The following SORBS2 variants were observed in gnomAD, a reference collection of about 807,000 sequenced individuals.
SORBS2 encodes the protein sorbin and SH3 domain-containing protein 2.
Under a neutral mutation model 97.7 loss-of-function variants are expected in SORBS2, and 46 were observed. The ratio of observed to expected loss-of-function variants is 0.47; its 90% CI spans 0.37 to 0.60. The LOEUF is 0.60. Among genes scored for constraint, SORBS2 ranks in the 20% least tolerant of loss-of-function variants. The probability of loss-of-function intolerance (pLI) is 0.00; values close to 1 mark genes in which losing one functional copy is unlikely to be tolerated. For synonymous variants in SORBS2, 476 were observed against 473.4 expected (o/e 1.01, Z -0.07); for missense variants, 1,316 against 1,282.3 (o/e 1.03, Z -0.40).
At chr4:185,689,808 A>G (rs538198980) in intron 2 of SORBS2, among the ~76,000 whole-genome samples, 4 of 152,358 alleles carry the variant, frequency 2.6e-5, no homozygotes, top group Admixed American at 2.0e-4. Context: ...CGACGGCTCA[A>G]ACAACTTTCC....
At chr4:185,795,749 A>G (rs2099101751) in intron 1 of SORBS2, among the ~76,000 whole-genome samples, 1 of 152,138 alleles carries the variant, frequency 6.6e-6, no homozygotes, top group African/African-American at 2.4e-5. Context: ...ATATATTTCT[A>G]TTGGTCTAGA....
intron 2 of SORBS2, among the ~76,000 whole-genome samples, chr4:185,703,414 T>C (rs1199528958): frequency 1.3e-5 from 2 of 152,220 alleles, no homozygotes; most frequent in Non-Finnish European, 2.9e-5. Flanking sequence ...TGGAGGCAGC[T>C]TGGCATTCCA....
At chr4:185,643,096 T>G (rs1243464867) in intron 4 of SORBS2, among the ~76,000 whole-genome samples, 1 of 152,220 alleles carries the variant, frequency 6.6e-6, no homozygotes, top group African/African-American at 2.4e-5. Context: ...AGCCCTCGCC[T>G]TCAAGAAGCT....
At chr4:185,874,602 G>A (rs919444349) in intron 1 of SORBS2, among the ~76,000 whole-genome samples, 9 of 152,172 alleles carry the variant, frequency 5.9e-5, no homozygotes, top group Non-Finnish European at 1.0e-4. Context: ...GGGCCAAGGC[G>A]TTTTCTAATG....
At chr4:185,750,798 T>C (rs2153598293) in intron 2 of SORBS2, among the ~76,000 whole-genome samples, 1 of 152,270 alleles carries the variant, frequency 6.6e-6, no homozygotes, top group East Asian at 1.9e-4. Context: ...GATTTTTGGC[T>C]GTCAATTACA....
At chr4:185,858,049 C>T (rs550965522) in intron 1 of SORBS2, among the ~76,000 whole-genome samples, 5 of 152,286 alleles carry the variant, frequency 3.3e-5, no homozygotes, top group South Asian at 4.1e-4. Context: ...TTTTCAAAAT[C>T]CCTAATAAAA....
chr4:185,752,894 C>T (rs887378749), intron 2 of SORBS2, among the ~76,000 whole-genome samples: 3 of 152,090 alleles, frequency 2.0e-5, no homozygotes, highest in African/African-American at 7.2e-5. Flanking sequence ...GATGTTTAGC[C>T]GGCAAGGAAA....
intron 1 of SORBS2, among the ~76,000 whole-genome samples, chr4:185,875,538 C>T (rs2099233068): frequency 6.6e-6 from 1 of 152,188 alleles, no homozygotes; most frequent in Non-Finnish European, 1.5e-5. Flanking sequence ...TAGAGAGTGA[C>T]TTTTCATTTT....
chr4:185,733,399 G>T (rs1192769101), intron 2 of SORBS2, among the ~76,000 whole-genome samples: 2 of 152,196 alleles, frequency 1.3e-5, no homozygotes, highest in Non-Finnish European at 2.9e-5. Flanking sequence ...AGGCCAGCGG[G>T]GGTCCGCCCA....
At chr4:185,794,355 G>A (rs865891297) in intron 1 of SORBS2, among the ~76,000 whole-genome samples, 6 of 152,320 alleles carry the variant, frequency 3.9e-5, no homozygotes, top group African/African-American at 1.4e-4. Flanking sequence ...GCTATTCAGG[G>A]AGGCAAGGTC....
intron 1 of SORBS2, among the ~76,000 whole-genome samples, chr4:185,873,862 A>G (rs2099231827): frequency 6.6e-6 from 1 of 152,216 alleles, no homozygotes; most frequent in East Asian, 1.9e-4. Context: ...ATTATTGTAA[A>G]TAATTATGCC....
chr4:185,929,294 C>A (rs2099265275), intron 1 of SORBS2, among the ~76,000 whole-genome samples: 1 of 152,174 alleles, frequency 6.6e-6, no homozygotes, highest in South Asian at 2.1e-4. Flanking sequence ...AATTTGGATT[C>A]ATTCCAACCA....
At chr4:185,912,216 C>CA (rs1338152646) in intron 1 of SORBS2, among the ~76,000 whole-genome samples, 1 of 152,004 alleles carries the variant, frequency 6.6e-6, no homozygotes, top group African/African-American at 2.4e-5. Flanking sequence ...GTACAGGTGA[C>CA]AAAATATAGG....
chr4:185,776,915 A>AG (rs1210428959), intron 1 of SORBS2, among the ~76,000 whole-genome samples: 1 of 151,742 alleles, frequency 6.6e-6, no homozygotes, highest in Non-Finnish European at 1.5e-5. Context: ...AAAAAAAAAA[A>AG]AATGCCCTGA....
intron 1 of SORBS2, among the ~76,000 whole-genome samples, chr4:185,883,884 A>C (rs965807637): frequency 1.3e-5 from 2 of 152,228 alleles, no homozygotes; most frequent in African/African-American, 4.8e-5. Flanking sequence ...TGATCATTAC[A>C]CACAATATCG....
chr4:185,621,797 G>GT (rs2096725201), intron 7 of SORBS2, among the ~76,000 whole-genome samples: 1 of 152,134 alleles, frequency 6.6e-6, no homozygotes, highest in African/African-American at 2.4e-5. Context: ...ATTATTAGGG[G>GT]TTTGAATCTC....
chr4:185,632,205 G>A (rs181209678), intron 4 of SORBS2, among the ~76,000 whole-genome samples: 100 of 152,212 alleles, frequency 6.6e-4, no homozygotes, highest in African/African-American at 2.1e-3. Context: ...CATAACTTAC[G>A]CTTCTATTAA....
At chr4:185,638,780 G>T in intron 4 of SORBS2, 97 bp downstream of exon 14, 1 of 1,201,740 alleles carries the variant, frequency 8.3e-7, no homozygotes, top group Non-Finnish European at 1.1e-6. Flanking sequence ...GTGCGAGCGG[G>T]ACCCGGGGGA....
intron 1 of SORBS2, among the ~76,000 whole-genome samples, chr4:185,878,219 A>C (rs1245035629): frequency 6.6e-6 from 1 of 152,204 alleles, no homozygotes; most frequent in East Asian, 1.9e-4. Context: ...ATACCAGATA[A>C]GTGTTTTTGA....
Sources: gnomAD v4.1 joint callset for allele counts (sites outside exome capture counted in the v4.1 genomes callset) on GRCh38, gnomAD v4.1.1 for gene constraint, MANE v1.5 for transcripts, NCBI Gene and HGNC (gene_info 2026-07-23, HGNC 2026-07-21) for gene names.